Variants in CDIN1 observed in about 807,000 individuals in gnomAD.
CDIN1 encodes CDAN1 interacting nuclease 1.
A neutral mutation model predicts 45.3 loss-of-function variants in CDIN1; 33 were observed. The ratio of observed to expected loss-of-function variants is 0.73; its 90% CI spans 0.55 to 0.97. CDIN1 has a LOEUF of 0.97. Among genes scored for constraint, CDIN1 ranks in the 50% least tolerant of loss-of-function variants. The pLI is 0.00. For synonymous variants in CDIN1, 118 were observed against 124.4 expected (o/e 0.95, Z 0.34); for missense variants, 303 against 339.4 (o/e 0.89, Z 0.84).
At chr15:36,581,399 A>G (rs1472705611) in intron 1 of CDIN1, among the ~76,000 whole-genome samples, 4 of 152,140 alleles carry the variant, frequency 2.6e-5, no homozygotes, top group African/African-American at 7.2e-5. Context: ...ACTTTAATCA[A>G]CACTTACAAA....
chr15:36,725,296 CT>C, intron 10 of CDIN1, among the ~76,000 whole-genome samples: 1 of 148,632 alleles, frequency 6.7e-6, no homozygotes, highest in Middle Eastern at 3.5e-3. Flanking sequence ...TAAATGATTG[CT>C]TTTTACATTT....
chr15:36,732,268 A>T (rs1387710471), intron 10 of CDIN1, among the ~76,000 whole-genome samples: 2 of 152,128 alleles, frequency 1.3e-5, no homozygotes, highest in Non-Finnish European at 2.9e-5. Context: ...CTTCAACAAG[A>T]CAAAGGCACA....
At chr15:36,581,221 T>C (rs983342324) in intron 1 of CDIN1, among the ~76,000 whole-genome samples, 1 of 152,198 alleles carries the variant, frequency 6.6e-6, no homozygotes, top group Non-Finnish European at 1.5e-5. Flanking sequence ...ATAGGTAGAT[T>C]TTTCTGGGCA....
intron 10 of CDIN1, among the ~76,000 whole-genome samples, chr15:36,801,790 C>G (rs1017569569): frequency 6.6e-6 from 1 of 152,192 alleles, no homozygotes; most frequent in African/African-American, 2.4e-5. Context: ...AAAATATGCT[C>G]CCTCAAAAGT....
intron 10 of CDIN1, among the ~76,000 whole-genome samples, chr15:36,805,910 G>C (rs12592147): frequency 0.1 from 15,930 of 152,190 alleles, 1,050 homozygotes; most frequent in African/African-American, 0.18. Flanking sequence ...ATTTGAAAGC[G>C]TATCAATCTC....
chr15:36,579,748 C>T lies in CDIN1; in HGVS notation c.-113C>T, dbSNP rs2036949507. 2.5e-6 allele frequency: 2 copies of T among 793,274 alleles called. No homozygotes were observed. Among genetic ancestry groups the T allele is most frequent in the South Asian group, 1.7e-5 (1 of 57,228 alleles). 49.1% of individuals were successfully genotyped at this position (793,274 alleles called of 1,614,324 possible). A position where few individuals can be genotyped will look rare whatever the true frequency, so the allele number is the denominator to read the frequency against. On this transcript the variant is annotated 5_prime_UTR_variant, in exon 1 of 11. Transcript: ENST00000566621. ...GGGGGATTGGGGCAAGCCAAGCAGG[C>T]GAGGACCCGGGCCTGTGCCGCTTTG...
At chr15:36,580,246 G>GTAGGTGCT (rs1409383201) in intron 1 of CDIN1, among the ~76,000 whole-genome samples, 1 of 152,232 alleles carries the variant, frequency 6.6e-6, no homozygotes, top group Non-Finnish European at 1.5e-5. Flanking sequence ...GGTGAACATA[G>GTAGGTGCT]TAGGTGCTTC....
At chr15:36,772,303 C>T (rs935882996) in intron 10 of CDIN1, among the ~76,000 whole-genome samples, 4 of 152,060 alleles carry the variant, frequency 2.6e-5, no homozygotes, top group Admixed American at 6.5e-5. Flanking sequence ...TGGCGCAAAT[C>T]GTCATATGTT....
At chr15:36,622,346 T>C (rs2039235743) in intron 1 of CDIN1, among the ~76,000 whole-genome samples, 1 of 152,068 alleles carries the variant, frequency 6.6e-6, no homozygotes, top group South Asian at 2.1e-4. Flanking sequence ...TTAACTGGCA[T>C]AGAAGTGGTA....
intron 5 of CDIN1, among the ~76,000 whole-genome samples, chr15:36,687,762 C>T (rs1438219084): frequency 6.6e-6 from 1 of 151,952 alleles, no homozygotes; most frequent in Non-Finnish European, 1.5e-5. Context: ...AAATCTTAAC[C>T]TACTAGACAT....
At chr15:36,790,895 T>C (rs1457192552) in intron 10 of CDIN1, among the ~76,000 whole-genome samples, 3 of 152,206 alleles carry the variant, frequency 2.0e-5, no homozygotes, top group Admixed American at 1.3e-4. Flanking sequence ...AGGCTTGTTA[T>C]ATAGGTATGC....
chr15:36,636,247 T>C (rs2039893162), intron 1 of CDIN1, among the ~76,000 whole-genome samples: 1 of 152,094 alleles, frequency 6.6e-6, no homozygotes, highest in Non-Finnish European at 1.5e-5. Flanking sequence ...TCTGCACTGA[T>C]GGAGTTATTA....
At chr15:36,685,343 T>C (rs990503892) in intron 5 of CDIN1, among the ~76,000 whole-genome samples, 1 of 151,916 alleles carries the variant, frequency 6.6e-6, no homozygotes, top group Non-Finnish European at 1.5e-5. Flanking sequence ...ATGTACCCAG[T>C]AGTCATTCAG....
intron 1 of CDIN1, among the ~76,000 whole-genome samples, chr15:36,605,745 A>G (rs1176214150): frequency 1.3e-5 from 2 of 152,204 alleles, no homozygotes; most frequent in Admixed American, 6.5e-5. Flanking sequence ...CAGAAGGGAG[A>G]GTACCTCCAA....
chr15:36,788,100 A>ATTTTTTTTTTTT (rs2054546191), intron 10 of CDIN1, among the ~76,000 whole-genome samples: 1 of 35,718 alleles, frequency 2.8e-5, no homozygotes, highest in African/African-American at 1.1e-4. Flanking sequence ...ATATATATAT[A>ATTTTTTTTTTTT]TATATATTTT....
At chr15:36,703,867 C>A (rs960452963) in intron 8 of CDIN1, among the ~76,000 whole-genome samples, 6 of 152,132 alleles carry the variant, frequency 3.9e-5, no homozygotes, top group African/African-American at 1.4e-4. Context: ...AGAACCAGGG[C>A]AGACAAAGGC....
intron 1 of CDIN1, among the ~76,000 whole-genome samples, chr15:36,636,181 A>G (rs1203869824): frequency 6.6e-6 from 1 of 152,188 alleles, no homozygotes; most frequent in African/African-American, 2.4e-5. Flanking sequence ...GAGGAATGAG[A>G]CAGATTGTCA....
At chr15:36,684,992 A>G (rs1459426899) in intron 5 of CDIN1, among the ~76,000 whole-genome samples, 5 of 151,992 alleles carry the variant, frequency 3.3e-5, no homozygotes, top group Admixed American at 2.0e-4. Context: ...TAGTCTTGCT[A>G]GCGGTCTATC....
intron 10 of CDIN1, among the ~76,000 whole-genome samples, chr15:36,713,057 T>C (rs2043110430): frequency 6.6e-6 from 1 of 152,192 alleles, no homozygotes; most frequent in South Asian, 2.1e-4. Flanking sequence ...GATGATGACT[T>C]ATAAAGAAAG....
Sources: allele counts gnomAD v4.1 joint callset (sites outside exome capture counted in the v4.1 genomes callset), GRCh38; gene constraint gnomAD v4.1.1; transcripts MANE v1.5; gene names NCBI Gene and HGNC (gene_info 2026-07-23, HGNC 2026-07-21).